Variants in ST8SIA1 observed in about 807,000 individuals in gnomAD.
ST8SIA1 encodes the protein alpha-N-acetylneuraminide alpha-2,8-sialyltransferase.
ST8SIA1 carries 16 observed loss-of-function variants against 35.9 expected under a neutral mutation model. The ratio of observed to expected loss-of-function variants is 0.45; its 90% CI spans 0.30 to 0.68. The LOEUF (loss-of-function observed/expected upper bound fraction) is 0.68. Among genes scored for constraint, ST8SIA1 ranks in the 30% least tolerant of loss-of-function variants. The pLI, the probability that ST8SIA1 is intolerant of heterozygous loss-of-function variation, is 0.09. For missense variants in ST8SIA1, 383 were observed against 453.6 expected (o/e 0.84, Z 1.41); for synonymous variants, 170 against 169.6 (o/e 1.00, Z -0.02).
intron 4 of ST8SIA1, among the ~76,000 whole-genome samples, chr12:22,218,838 A>T (rs909725029): frequency 1.5e-4 from 22 of 151,684 alleles, no homozygotes; most frequent in Non-Finnish European, 3.1e-4. Context: ...AAATAAATAA[A>T]ATAAAATAAA....
chr12:22,268,344 A>T (rs1395766291), intron 2 of ST8SIA1, among the ~76,000 whole-genome samples: 1 of 152,212 alleles, frequency 6.6e-6, no homozygotes, highest in Non-Finnish European at 1.5e-5. Flanking sequence ...AAATGCCTAC[A>T]CAATTCAAGC....
rs759736888 is a variant in ST8SIA1 at position 22,201,664 on chromosome 12, C to G, written c.959G>C (p.Gly320Ala). ...AAATTCCTCGGGCATGGCATGGAAG[C>G]CAGAAAAGGGTAAGACGTTGTCATA... ...HYYDNVLPFS[G>A]FHAMPEEFLQ... Residue 320 changes from glycine (G) to alanine (A), a missense_variant, in exon 5 of 5, where the codon GGC (glycine) becomes GCC (alanine). Coordinates refer to ENST00000396037, the MANE Select transcript of ST8SIA1 (RefSeq NM_003034.4). The G allele has an allele frequency of 6.2e-7, 1 of 1,614,090 alleles. No individual in the cohort carries two copies. Among genetic ancestry groups the G allele is most frequent in the Admixed American group, 1.7e-5 (1 of 60,006 alleles).
chr12:22,230,965 A>T (rs994748135), intron 4 of ST8SIA1, among the ~76,000 whole-genome samples: 2 of 152,092 alleles, frequency 1.3e-5, no homozygotes, highest in African/African-American at 4.8e-5. Flanking sequence ...TGCACTTCCC[A>T]GGGAAAGTGA....
At chr12:22,270,486 G>A (rs951852282) in intron 2 of ST8SIA1, among the ~76,000 whole-genome samples, 4 of 151,904 alleles carry the variant, frequency 2.6e-5, no homozygotes, top group African/African-American at 7.3e-5. Context: ...CACATTTTGC[G>A]GAATTGAGTT....
chr12:22,204,608 C>A (rs1334687908), intron 4 of ST8SIA1, among the ~76,000 whole-genome samples: 1 of 152,114 alleles, frequency 6.6e-6, no homozygotes, highest in East Asian at 1.9e-4. Context: ...TCAATAAAGT[C>A]AAGATGATTG....
intron 1 of ST8SIA1, among the ~76,000 whole-genome samples, chr12:22,329,497 T>C (rs1159398993): frequency 1.3e-5 from 2 of 152,210 alleles, no homozygotes; most frequent in Non-Finnish European, 2.9e-5. Flanking sequence ...CTGTAGCATA[T>C]TTTCTTGAGC....
At chr12:22,271,317 A>G (rs1865909481) in intron 2 of ST8SIA1, among the ~76,000 whole-genome samples, 1 of 152,248 alleles carries the variant, frequency 6.6e-6, no homozygotes, top group Admixed American at 6.5e-5. Context: ...ATGCTTCTCA[A>G]GCACAACTTA....
At chr12:22,269,801 T>C (rs1015075683) in intron 2 of ST8SIA1, among the ~76,000 whole-genome samples, 4 of 152,296 alleles carry the variant, frequency 2.6e-5, no homozygotes, top group Admixed American at 2.6e-4. Context: ...TTTTAACAAG[T>C]TCACCATCAC....
intron 4 of ST8SIA1, among the ~76,000 whole-genome samples, chr12:22,241,538 A>C (rs557191062): frequency 6.6e-6 from 1 of 151,928 alleles, no homozygotes; most frequent in Non-Finnish European, 1.5e-5. Context: ...CTTCCTGTAA[A>C]GTCTGCGGAA....
rs367905234 is a variant in ST8SIA1 at position 22,231,863 on chromosome 12, TTG to T, written c.584+17141_584+17142del. 2.3e-3 allele frequency among the ~76,000 whole-genome samples: 344 copies of T among 152,310 alleles called. 2 individuals carry two copies. The highest frequency in any genetic ancestry group is 7.3e-3 in the African/African-American group (304 of 41,568). On this transcript the variant is annotated intron_variant, in intron 4 of 4. Transcript: ENST00000396037. ...ATTGCTTTATTCTTAGACTGGGTTG[TTG>T]TGGTTTTACAAATGTCAAAGTTTAA...
intron 2 of ST8SIA1, among the ~76,000 whole-genome samples, chr12:22,267,772 A>T (rs1378282050): frequency 6.6e-6 from 1 of 151,870 alleles, no homozygotes; most frequent in African/African-American, 2.4e-5. Context: ...TAGAAATAGG[A>T]TCTCTGGGTA....
intron 4 of ST8SIA1, among the ~76,000 whole-genome samples, chr12:22,231,104 T>C (rs1865414848): frequency 6.7e-6 from 1 of 148,566 alleles, no homozygotes; most frequent in Non-Finnish European, 1.5e-5. Flanking sequence ...TTATATACTT[T>C]ATAGATATAA....
At position 22,220,550 on chromosome 12, in the gene ST8SIA1, T is replaced by G. The variant is rs146613846; in HGVS notation, c.585-18512A>C. ...CAACTCACATGTGCAAAAGTCTAAC[T>G]TTTTTCCCCCTGCAATTGCCTTCAT... is the stretch of plus-strand genomic sequence containing the variant. On this transcript the variant is annotated intron_variant, in intron 4 of 4. Coordinates refer to ENST00000396037, the MANE Select transcript of ST8SIA1 (RefSeq NM_003034.4). 1.4e-3 allele frequency among the ~76,000 whole-genome samples: 206 copies of G among 152,282 alleles called. No homozygotes were observed. In the Middle Eastern group the frequency reaches 0.014, roughly 10 times the overall value.
chr12:22,323,429 T>C (rs1407583918), intron 1 of ST8SIA1, among the ~76,000 whole-genome samples: 3 of 152,188 alleles, frequency 2.0e-5, no homozygotes, highest in Non-Finnish European at 2.9e-5. Context: ...AGTTCAACCA[T>C]TGTGGAAGAC....
At chr12:22,325,669 C>CT (rs1197150021) in intron 1 of ST8SIA1, 9 of 610,006 alleles carry the variant, frequency 1.5e-5, no homozygotes, top group Non-Finnish European at 2.6e-5. Flanking sequence ...GTACCAAGCC[C>CT]TATATACCGT....
chr12:22,253,541 C>T (rs1356127348), intron 3 of ST8SIA1, among the ~76,000 whole-genome samples: 1 of 152,158 alleles, frequency 6.6e-6, no homozygotes, highest in East Asian at 1.9e-4. Flanking sequence ...GAGAAGCTCC[C>T]GTGTGTCTGA....
intron 4 of ST8SIA1, among the ~76,000 whole-genome samples, chr12:22,226,171 C>G (rs1865355682): frequency 6.6e-6 from 1 of 152,060 alleles, no homozygotes. Context: ...CGAGAAATAA[C>G]CTTTCTCAGC....
intron 1 of ST8SIA1, among the ~76,000 whole-genome samples, chr12:22,293,579 T>A (rs935994634): frequency 6.6e-6 from 1 of 152,244 alleles, no homozygotes; most frequent in Non-Finnish European, 1.5e-5. Flanking sequence ...GATTCATGAC[T>A]GAAAATGTTC....
At chr12:22,276,604 C>A (rs1488129538) in intron 2 of ST8SIA1, among the ~76,000 whole-genome samples, 2 of 152,100 alleles carry the variant, frequency 1.3e-5, no homozygotes, top group Admixed American at 6.6e-5. Context: ...GCCACCCCCA[C>A]CCCTGCCCGA....
Sources: allele counts gnomAD v4.1 joint callset (sites outside exome capture counted in the v4.1 genomes callset), GRCh38; gene constraint gnomAD v4.1.1; transcripts MANE v1.5; gene names NCBI Gene and HGNC (gene_info 2026-07-23, HGNC 2026-07-21).